The following SNX30 variants were observed in gnomAD, a reference collection of about 807,000 sequenced individuals.
SNX30 encodes the protein sorting nexin family member 30.
SNX30 carries 24 observed loss-of-function variants against 46.4 expected under a neutral mutation model. The ratio of observed to expected loss-of-function variants is 0.52; its 90% CI spans 0.37 to 0.73. The LOEUF (loss-of-function observed/expected upper bound fraction) is 0.73. Among genes scored for constraint, SNX30 ranks in the 30% least tolerant of loss-of-function variants. The pLI is 0.00. For missense variants in SNX30, 533 were observed against 555.7 expected (o/e 0.96, Z 0.41); for synonymous variants, 189 against 211.5 (o/e 0.89, Z 0.92).
rs543903139 is a variant in SNX30 at position 112,796,540 on chromosome 9, G to A, written c.157-8236G>A. Among the ~76,000 whole-genome samples the A allele has an allele frequency of 1.2e-3, 184 of 152,308 alleles. 1 individual carries two copies. Among genetic ancestry groups the A allele is most frequent in the African/African-American group, 4.1e-3 (172 of 41,574 alleles). ...TGAGAGGGGCTGTTGAAGGTATGAC[G>A]TCCCAGCTGATGAGCTTGTCCATCT... On this transcript the variant is annotated intron_variant, in intron 1 of 8. Transcript: ENST00000374232.
chr9:112,831,097 A>T (rs1399508870), intron 4 of SNX30, among the ~76,000 whole-genome samples: 1 of 151,234 alleles, frequency 6.6e-6, no homozygotes, highest in Non-Finnish European at 1.5e-5. Flanking sequence ...TGATCGTGCC[A>T]CTGCACTGCA....
At chr9:112,775,605 C>T (rs990155419) in intron 1 of SNX30, among the ~76,000 whole-genome samples, 17 of 137,046 alleles carry the variant, frequency 1.2e-4, no homozygotes, top group African/African-American at 4.7e-4. Context: ...GCATTCTCTT[C>T]ACACAGAATT....
intron 2 of SNX30, among the ~76,000 whole-genome samples, chr9:112,816,185 G>T (rs1564278453): frequency 6.6e-6 from 1 of 152,170 alleles, no homozygotes; most frequent in African/African-American, 2.4e-5. Flanking sequence ...GCTCAAGGAG[G>T]CTTAGTGACA....
chr9:112,834,843 A>AACACACACACACACACACAC (rs79118828), intron 4 of SNX30, among the ~76,000 whole-genome samples: 21 of 78,264 alleles, frequency 2.7e-4, no homozygotes, highest in Non-Finnish European at 4.3e-4. Flanking sequence ...CACACACACA[A>AACACACACACACACACACAC]ACACACACAC....
At chr9:112,840,209 T>C (rs1840833226) in intron 6 of SNX30, among the ~76,000 whole-genome samples, 1 of 152,186 alleles carries the variant, frequency 6.6e-6, no homozygotes, top group African/African-American at 2.4e-5. Flanking sequence ...TATCTATAAG[T>C]TGGAAATGAT....
chr9:112,775,542 T>TTGTGTGTGTGTGTGTGTGTG (rs199600863), intron 1 of SNX30, among the ~76,000 whole-genome samples: 81 of 131,410 alleles, frequency 6.2e-4, no homozygotes, highest in South Asian at 2.7e-3. Context: ...TATTTTAAAT[T>TTGTGTGTGTGTGTGTGTGTG]TGTGTGTGTG....
At chr9:112,875,762 T>G (rs1841510189), downstream of SNX30, 1 of 152,214 alleles carries the variant, frequency 6.6e-6, no homozygotes, top group Non-Finnish European at 1.5e-5. Context: ...TAACAATCCT[T>G]CATGTATGCT....
At chr9:112,856,161 A>G (rs947019993) in intron 7 of SNX30, among the ~76,000 whole-genome samples, 16 of 152,222 alleles carry the variant, frequency 1.1e-4, no homozygotes, top group Non-Finnish European at 5.9e-5. Context: ...AAAGTAAATA[A>G]AAAAAGCAGG....
intron 1 of SNX30, among the ~76,000 whole-genome samples, chr9:112,778,563 C>CGCCCG (rs1444849037): frequency 6.6e-6 from 1 of 152,182 alleles, no homozygotes; most frequent in African/African-American, 2.4e-5. Flanking sequence ...TGAGCCACTG[C>CGCCCG]GCCCGGCCCG....
intron 2 of SNX30, among the ~76,000 whole-genome samples, chr9:112,813,109 A>T (rs1244556636): frequency 1.3e-5 from 2 of 152,094 alleles, no homozygotes; most frequent in Non-Finnish European, 2.9e-5. Context: ...AGATCATGCC[A>T]CTATACTCCA....
Position 112,872,705 on chromosome 9 carries a change from C to T in SNX30, c.*3862C>T, listed in dbSNP as rs1399523216. 1 of 152,194 alleles carries T rather than the reference C, an allele frequency of 6.6e-6. No individual in the cohort carries two copies. Among genetic ancestry groups the T allele is most frequent in the Non-Finnish European group, 1.5e-5 (1 of 68,070 alleles). The allele number at this position is 152,194 out of a possible 1,614,324, so 9.4% of individuals were successfully genotyped here. A position where few individuals can be genotyped will look rare whatever the true frequency, so the allele number is the denominator to read the frequency against. On this transcript the variant is annotated 3_prime_UTR_variant, in exon 9 of 9. Transcript: ENST00000374232. ...TGATCCAATTATAGGGCTGGGGCAA[C>T]CCTGCTTTGGCCACCCTCATTTACA...
rs773598630 is a variant in SNX30, at chr9:112,836,265, G to A, written c.670G>A (p.Glu224Lys). The A allele has an allele frequency of 1.2e-5, 19 of 1,611,740 alleles. No individual in the cohort carries two copies. Among genetic ancestry groups the A allele is most frequent in the Non-Finnish European group, 1.5e-5 (18 of 1,178,042 alleles). ...QGIALLTRMG[E>K]SVKHVTGGYK... ...GATAGCATTGCTGACCAGAATGGGC[G>A]AGTCAGTCAAGCACGTCACTGGCGG... Residue 224 changes from glutamate (E) to lysine (K), a missense_variant, in exon 5 of 9, where the codon GAG becomes AAG. Glu to Lys is a moderately conservative substitution (Grantham distance 56). This residue lies in a region of SNX30 where 261 missense variants were observed against 270.9 expected (regional missense o/e 0.96). Transcript: ENST00000374232.
chr9:112,836,264 C>T lies in SNX30; in HGVS notation c.669C>T (p.Gly223=), dbSNP rs372729431. The part of the protein sequence containing the change: ...KQGIALLTRM[G]ESVKHVTGGY... ...GGATAGCATTGCTGACCAGAATGGGCGAGTCAGTCAAGCACGTCACTGGCG... is the reference window on the plus strand; with the variant it reads ...GGATAGCATTGCTGACCAGAATGGGTGAGTCAGTCAAGCACGTCACTGGCG... The change falls in exon 5 of 9, where the codon GGC becomes GGT. Residue 223 remains glycine (G), a synonymous_variant. Coordinates refer to ENST00000374232, the MANE Select transcript of SNX30 (RefSeq NM_001012994.2). 278 of 1,611,628 alleles carry T rather than the reference C, an allele frequency of 1.7e-4. No homozygotes were observed. The highest frequency in any genetic ancestry group is 2.1e-4 in the Non-Finnish European group (248 of 1,177,908).
intron 6 of SNX30, among the ~76,000 whole-genome samples, chr9:112,846,248 G>T (rs950881919): frequency 1.9e-4 from 29 of 152,198 alleles, no homozygotes; most frequent in African/African-American, 7.0e-4. Context: ...AAAAAGACCA[G>T]AAGGGAAGAA....
At chr9:112,843,934 G>A (rs10981525) in intron 6 of SNX30, among the ~76,000 whole-genome samples, 13,881 of 152,094 alleles carry the variant, frequency 0.091, 1,606 homozygotes, top group African/African-American at 0.26. Context: ...TTTATTCTAA[G>A]GACTAGAAGA....
At position 112,869,151 on chromosome 9, in the gene SNX30, T is replaced by C. The variant is rs1841406495; in HGVS notation, c.*308T>C. On this transcript the variant is annotated 3_prime_UTR_variant, in exon 9 of 9. Transcript: ENST00000374232. ...GGACAAGACAACCTGCAGCTGACGCTCTGACATTTCATGACAGTTTCCTCT... is the reference window on the plus strand; with the variant it reads ...GGACAAGACAACCTGCAGCTGACGCCCTGACATTTCATGACAGTTTCCTCT... The C allele has an allele frequency of 2.8e-5, 9 of 320,332 alleles. No individual in the cohort carries two copies. The South Asian group carries it at 3.9e-4, about 14-fold the overall frequency. 19.8% of individuals were successfully genotyped at this position (320,332 alleles called of 1,614,324 possible).
rs1839269072 is a variant in SNX30, at chr9:112,751,139, C to T, written c.138C>T (p.Ala46=). The change falls in exon 1 of 9, where the codon GCC becomes GCT. Residue 46 remains alanine (A), a synonymous_variant. Coordinates refer to ENST00000374232, the MANE Select transcript of SNX30 (RefSeq NM_001012994.2). ...DSTPSPDLLM[A]RSFGDKDLIL... is the part of the protein sequence containing the mutation. ...CGCCCAGCCCGGACCTGCTGATGGC[C>T]CGCAGCTTCGGTGACAAGGTGGGGC... 4 of 1,518,802 alleles carry T rather than the reference C, an allele frequency of 2.6e-6. No homozygotes were observed. Among genetic ancestry groups the T allele is most frequent in the Non-Finnish European group, 3.5e-6 (4 of 1,140,402 alleles). 94.1% of individuals were successfully genotyped at this position (1,518,802 alleles called of 1,614,324 possible). A position where few individuals can be genotyped will look rare whatever the true frequency, so the allele number is the denominator to read the frequency against.
In SNX30 at chr9:112,869,087, C is replaced by G; in HGVS notation, c.*244C>G. Reference sequence around the variant, plus strand: ...GCAGCATACCTCCATGTTGTGAAGGCATCTGTTCAGTGAAGCACTACGAAA... The same window carrying G: ...GCAGCATACCTCCATGTTGTGAAGGGATCTGTTCAGTGAAGCACTACGAAA... On this transcript the variant is annotated 3_prime_UTR_variant, in exon 9 of 9. Coordinates refer to ENST00000374232, the MANE Select transcript of SNX30 (RefSeq NM_001012994.2). 1.9e-6 allele frequency: 1 copy of G among 528,726 alleles called. No individual in the cohort carries two copies. 32.8% of individuals were successfully genotyped at this position (528,726 alleles called of 1,614,324 possible).
intron 3 of SNX30, among the ~76,000 whole-genome samples, chr9:112,827,517 C>A (rs1207248514): frequency 6.6e-6 from 1 of 152,176 alleles, no homozygotes; most frequent in Non-Finnish European, 1.5e-5. Flanking sequence ...CCAAATACTT[C>A]TTTTCCAGGG....
Sources: allele counts gnomAD v4.1 joint callset (sites outside exome capture counted in the v4.1 genomes callset), GRCh38; gene constraint gnomAD v4.1.1; regional missense constraint gnomAD v4.1.1; transcripts MANE v1.5; gene names NCBI Gene and HGNC (gene_info 2026-07-23, HGNC 2026-07-21).